Variants in PCDH15 observed in about 807,000 individuals in gnomAD.
PCDH15 encodes protocadherin-15.
Under a neutral mutation model 178.5 loss-of-function variants are expected in PCDH15, and 129 were observed. That is an observed-to-expected ratio of 0.72 (90% CI 0.63 to 0.84). The LOEUF (loss-of-function observed/expected upper bound fraction) is 0.84. Among genes scored for constraint, PCDH15 ranks in the 40% least tolerant of loss-of-function variants. The probability of loss-of-function intolerance (pLI) is 0.00; values close to 1 mark genes in which losing one functional copy is unlikely to be tolerated. For synonymous variants in PCDH15, 800 were observed against 732.0 expected (o/e 1.09, Z -1.50); for missense variants, 2,230 against 2,099.9 (o/e 1.06, Z -1.21).
intron 2 of PCDH15, among the ~76,000 whole-genome samples, chr10:54,943,538 T>C (rs1218853358): frequency 6.6e-6 from 1 of 151,982 alleles, no homozygotes; most frequent in Admixed American, 6.6e-5. Context: ...AAATGAAGTA[T>C]CACATACCAA....
At chr10:54,706,580 G>T (rs2095366966) in intron 1 of PCDH15, among the ~76,000 whole-genome samples, 1 of 152,110 alleles carries the variant, frequency 6.6e-6, no homozygotes, top group Non-Finnish European at 1.5e-5. Flanking sequence ...GGATATGTAG[G>T]TATTTGAAGA....
chr10:55,181,251 A>G (rs1839639089), intron 1 of PCDH15, among the ~76,000 whole-genome samples: 1 of 151,994 alleles, frequency 6.6e-6, no homozygotes, highest in Non-Finnish European at 1.5e-5. Flanking sequence ...GCATATTATA[A>G]TTATTGTTTT....
intron 2 of PCDH15, among the ~76,000 whole-genome samples, chr10:54,571,333 G>GAAAAAAAAA (rs60604711): frequency 7.8e-6 from 1 of 128,574 alleles, no homozygotes; most frequent in Non-Finnish European, 1.6e-5. Flanking sequence ...GACAAAATTT[G>GAAAAAAAAA]AAAAAAAAAA....
intron 2 of PCDH15, among the ~76,000 whole-genome samples, chr10:55,157,885 C>T (rs1838936459): frequency 6.6e-6 from 1 of 151,910 alleles, no homozygotes; most frequent in Non-Finnish European, 1.5e-5. Flanking sequence ...AGCACACCAA[C>T]ATGCCACATG....
rs565308668 is a variant in PCDH15 at position 54,472,494 on chromosome 10, G to C, written c.157+55318C>G. On this transcript the variant is annotated intron_variant, in intron 3 of 37. Coordinates refer to ENST00000644397, the MANE Select transcript of PCDH15 (RefSeq NM_001384140.1). The stretch of plus-strand genomic sequence containing the variant: ...ACTAGCCAAAAGCCACTGTATGTGT[G>C]TTTTTTTCAAAACCCACGTATGAAA... Among the ~76,000 whole-genome samples, 6 of 152,024 alleles carry C rather than the reference G, an allele frequency of 3.9e-5. No homozygotes were observed. In the South Asian group the frequency reaches 1.2e-3, roughly 32 times the overall value.
chr10:54,543,219 A>T (rs991405875), intron 2 of PCDH15, among the ~76,000 whole-genome samples: 5 of 152,212 alleles, frequency 3.3e-5, no homozygotes, highest in Middle Eastern at 3.2e-3. Flanking sequence ...CTCCAAGCCC[A>T]CGTGTGATCC....
At chr10:54,932,005 G>A (rs890827491) in intron 2 of PCDH15, among the ~76,000 whole-genome samples, 1 of 152,186 alleles carries the variant, frequency 6.6e-6, no homozygotes, top group African/African-American at 2.4e-5. Context: ...TCTTAACAAC[G>A]TTTTGGTGAA....
At chr10:53,829,591 C>A (rs1268887098) in intron 30 of PCDH15, among the ~76,000 whole-genome samples, 1 of 152,232 alleles carries the variant, frequency 6.6e-6, no homozygotes, top group East Asian at 1.9e-4. Flanking sequence ...TTTTGTTCAT[C>A]AGCTTTAGAT....
At chr10:54,933,968 T>G (rs1479712112) in intron 2 of PCDH15, among the ~76,000 whole-genome samples, 1 of 152,168 alleles carries the variant, frequency 6.6e-6, no homozygotes, top group Non-Finnish European at 1.5e-5. Context: ...ATTTGCATTC[T>G]TGCTTCGGTG....
At chr10:55,403,911 G>A (rs118097391) in intron 2 of PCDH15, among the ~76,000 whole-genome samples, 5 of 151,952 alleles carry the variant, frequency 3.3e-5, no homozygotes, top group African/African-American at 1.2e-4. Flanking sequence ...ACCCCAGATA[G>A]AAGAAGTTAA....
At chr10:55,287,409 C>T (rs1842899528) in intron 1 of PCDH15, among the ~76,000 whole-genome samples, 1 of 151,942 alleles carries the variant, frequency 6.6e-6, no homozygotes, top group East Asian at 1.9e-4. Context: ...CTAGCCAATA[C>T]GATCATGAAA....
chr10:54,734,891 C>T (rs1943879873), intron 1 of PCDH15, among the ~76,000 whole-genome samples: 1 of 151,914 alleles, frequency 6.6e-6, no homozygotes, highest in African/African-American at 2.4e-5. Context: ...AAAGCAGCAG[C>T]ATGGAAGTTT....
At chr10:55,151,640 A>C (rs1335408116) in intron 2 of PCDH15, among the ~76,000 whole-genome samples, 1 of 152,118 alleles carries the variant, frequency 6.6e-6, no homozygotes, top group East Asian at 1.9e-4. Flanking sequence ...TTAATAGTGA[A>C]TCACAGAGCC....
chr10:55,016,099 A>T (rs1922151), intron 2 of PCDH15, among the ~76,000 whole-genome samples: 490 of 7,190 alleles, frequency 0.068, 1 homozygote, highest in African/African-American at 0.32. Context: ...TTTTTTTTTT[A>T]AAAAAAAAAA....
At chr10:54,662,785 T>A (rs1253244518) in intron 2 of PCDH15, among the ~76,000 whole-genome samples, 2 of 152,022 alleles carry the variant, frequency 1.3e-5, no homozygotes, top group African/African-American at 4.8e-5. Flanking sequence ...CCTTATTATA[T>A]AAAGTAATAC....
chr10:55,119,207 C>G (rs966245121), intron 2 of PCDH15, among the ~76,000 whole-genome samples: 1 of 152,102 alleles, frequency 6.6e-6, no homozygotes, highest in African/African-American at 2.4e-5. Context: ...GATCATTATA[C>G]CAAATACAGG....
chr10:54,195,862 G>A lies in PCDH15; in HGVS notation c.1126C>T (p.Pro376Ser). Residue 376 changes from proline to serine, a missense_variant, in exon 11 of 38, where the codon CCT becomes TCT. Physicochemically the swap from Pro to Ser is moderately conservative, Grantham distance 74. Coordinates refer to ENST00000644397, the MANE Select transcript of PCDH15 (RefSeq NM_001384140.1). ...TCAATGTGTAGACCGGCAAAGGCAG[G>A]AAGAGGATGACCATTGTCTTGTTCA... is the stretch of plus-strand genomic sequence containing the variant. ...KAEQDNGHPL[P>S]AFAGLHIEIL... The A allele has an allele frequency of 1.2e-6, 2 of 1,613,814 alleles. No homozygotes were observed. Among genetic ancestry groups the A allele is most frequent in the Non-Finnish European group, 1.7e-6 (2 of 1,179,814 alleles).
intron 5 of PCDH15, among the ~76,000 whole-genome samples, chr10:54,352,380 T>C (rs1218568679): frequency 6.6e-6 from 1 of 152,134 alleles, no homozygotes; most frequent in Non-Finnish European, 1.5e-5. Context: ...ATTTGGAAAC[T>C]TGCCCCCAAA....
At chr10:54,252,435 C>T (rs2056561377) in intron 8 of PCDH15, among the ~76,000 whole-genome samples, 1 of 152,128 alleles carries the variant, frequency 6.6e-6, no homozygotes, top group Non-Finnish European at 1.5e-5. Flanking sequence ...CGAGGCAAAG[C>T]CTTCTCCTCT....
Sources: allele counts gnomAD v4.1 joint callset (sites outside exome capture counted in the v4.1 genomes callset), GRCh38; gene constraint gnomAD v4.1.1; transcripts MANE v1.5; gene names NCBI Gene and HGNC (gene_info 2026-07-23, HGNC 2026-07-21).